The following DUSP14 variants were observed in gnomAD, a reference collection of about 807,000 sequenced individuals.
DUSP14 encodes dual specificity phosphatase 14.
A neutral mutation model predicts 13.2 loss-of-function variants in DUSP14; 5 were observed. That is an observed-to-expected ratio of 0.38 (90% CI 0.20 to 0.80). The LOEUF is 0.80. Ranked by LOEUF, DUSP14 falls within the 30% of genes least tolerant of loss-of-function variation. DUSP14 has a pLI of 0.44. For missense variants in DUSP14, 185 were observed against 264.0 expected (o/e 0.70, Z 2.07); for synonymous variants, 91 against 103.4 (o/e 0.88, Z 0.73).
chr17:37,506,852 T>C (rs925736884), intron 1 of DUSP14, among the ~76,000 whole-genome samples: 2 of 152,166 alleles, frequency 1.3e-5, no homozygotes, highest in Non-Finnish European at 2.9e-5. Context: ...GTTCTGGCAC[T>C]AGGGGAAACT....
intron 1 of DUSP14, among the ~76,000 whole-genome samples, chr17:37,498,744 A>G (rs899642686): frequency 2.6e-5 from 4 of 151,594 alleles, no homozygotes; most frequent in African/African-American, 9.7e-5. Flanking sequence ...TAGAAAGTAC[A>G]GGAGATATTT....
At chr17:37,489,553 G>A (rs549219285), upstream of DUSP14, among the ~76,000 whole-genome samples, 164 of 152,264 alleles carry the variant, frequency 1.1e-3, 1 homozygote, top group Middle Eastern at 3.4e-3. Flanking sequence ...CCCCAGCAGA[G>A]CGCCCCCGCA....
intron 2 of DUSP14, among the ~76,000 whole-genome samples, chr17:37,511,715 G>C (rs1049551235): frequency 1.3e-5 from 2 of 149,574 alleles, no homozygotes; most frequent in Non-Finnish European, 3.0e-5. Context: ...AGTCTCCTGA[G>C]TAGCTGGGAC....
rs1475890947 is a variant in DUSP14, at chr17:37,512,406, G to A, written c.134G>A (p.Arg45Gln). 8 of 1,614,056 alleles carry A rather than the reference G, an allele frequency of 5.0e-6. No homozygotes were observed. Among genetic ancestry groups the A allele is most frequent in the East Asian group, 2.2e-5 (1 of 44,858 alleles). The change falls in exon 3 of 3, where the codon CGG becomes CAG. Residue 45 changes from arginine (R) to glutamine (Q), a missense_variant. Physicochemically the swap from Arg to Gln is conservative, Grantham distance 43. Transcript: ENST00000617516. This position sits in a 1 kb window ranked among gnomAD's most constrained non-coding sequence, Gnocchi z 4.8. Reference protein sequence around the residue: ...FLGRGSVASNRHLLQARGITC... With the variant: ...FLGRGSVASNQHLLQARGITC... ...GGCAGAGGCAGTGTGGCCTCCAATC[G>A]GCACCTCCTCCAGGCTCGTGGCATC...
intron 1 of DUSP14, among the ~76,000 whole-genome samples, chr17:37,494,987 T>C (rs1354235262): frequency 6.6e-6 from 1 of 152,236 alleles, no homozygotes; most frequent in Non-Finnish European, 1.5e-5. Context: ...AAAATAATGA[T>C]AATTTTAGAA....
Position 37,512,011 on chromosome 17 carries a change from G to A in DUSP14, c.-92-170G>A, listed in dbSNP as rs763861675. Among the ~76,000 whole-genome samples, 11 of 135,204 alleles carry A rather than the reference G, an allele frequency of 8.1e-5. No homozygotes were observed. The highest frequency in any genetic ancestry group is 1.2e-4 in the Non-Finnish European group (8 of 65,716). 88.7% of individuals were successfully genotyped at this position (135,204 alleles called of 152,430 possible). On this transcript the variant is annotated intron_variant, in intron 2 of 2. Coordinates refer to ENST00000617516, the MANE Select transcript of DUSP14 (RefSeq NM_007026.4). This position sits in a 1 kb window ranked among gnomAD's most constrained non-coding sequence, Gnocchi z 4.8. Reference sequence around the variant, plus strand: ...TTGATTTCACATGTTTGTGTCTTAGGTGACTTTTCCCAACTGTTAATTGAT... The same window carrying A: ...TTGATTTCACATGTTTGTGTCTTAGATGACTTTTCCCAACTGTTAATTGAT...
intron 2 of DUSP14, among the ~76,000 whole-genome samples, chr17:37,511,492 GC>G (rs1288246023): frequency 6.6e-6 from 1 of 151,608 alleles, no homozygotes; most frequent in Non-Finnish European, 1.5e-5. Flanking sequence ...TGTTGGCCAG[GC>G]TGGTCTCGAA....
intron 1 of DUSP14, among the ~76,000 whole-genome samples, chr17:37,490,360 G>A (rs1365590683): frequency 6.6e-6 from 1 of 152,200 alleles, no homozygotes; most frequent in Non-Finnish European, 1.5e-5. Flanking sequence ...GCGCGCCGCC[G>A]CTTTTTGCAT....
chr17:37,496,707 C>G (rs1490572130), intron 1 of DUSP14, among the ~76,000 whole-genome samples: 2 of 152,034 alleles, frequency 1.3e-5, no homozygotes, highest in East Asian at 1.9e-4. Context: ...GAGCCAAGAT[C>G]ATACCACTGC....
chr17:37,489,734 A>T (rs1185052551), upstream of DUSP14: 1 of 150,534 alleles, frequency 6.6e-6, no homozygotes, highest in Admixed American at 6.6e-5. Context: ...GCAGAAGCCC[A>T]GCGCGCACGC....
intron 1 of DUSP14, among the ~76,000 whole-genome samples, chr17:37,505,231 A>G (rs2054130359): frequency 6.6e-6 from 1 of 152,116 alleles, no homozygotes. Context: ...TTTCATTACT[A>G]AATCAGAAAT....
In DUSP14 at chr17:37,512,545, C is replaced by T; in HGVS notation, c.273C>T (p.Asp91=). The change falls in exon 3 of 3, where the codon GAC becomes GAT. Residue 91 remains aspartate, a synonymous_variant. Coordinates refer to ENST00000617516, the MANE Select transcript of DUSP14 (RefSeq NM_007026.4). This position sits in a 1 kb window ranked among gnomAD's most constrained non-coding sequence, Gnocchi z 4.8. ...MPHAPIGLYF[D]TVADKIHSVS... Reference sequence around the variant, plus strand: ...ATGCCCCCATTGGACTGTACTTTGACACCGTGGCTGACAAGATCCACAGTG... The same window carrying T: ...ATGCCCCCATTGGACTGTACTTTGATACCGTGGCTGACAAGATCCACAGTG... The T allele has an allele frequency of 6.2e-7, 1 of 1,614,204 alleles. No homozygotes were observed. Among genetic ancestry groups the T allele is most frequent in the South Asian group, 1.1e-5 (1 of 91,086 alleles).
Position 37,508,734 on chromosome 17 carries a change from A to ATAT in DUSP14, c.-180-1943_-180-1942insTAT, listed in dbSNP as rs1568204174. Among the ~76,000 whole-genome samples the ATAT allele has an allele frequency of 5.7e-3, 816 of 144,152 alleles. 6 individuals carry two copies. The highest frequency in any genetic ancestry group is 0.02 in the African/African-American group (784 of 39,400). The allele number at this position is 144,152 out of a possible 152,430, so 94.6% of individuals were successfully genotyped here. On this transcript the variant is annotated intron_variant, in intron 1 of 2. Transcript: ENST00000617516. ...GGGTGACAGAGCCAGACTCCATCTC[A>ATAT]ATATATATATATATATATGTATGTA...
At chr17:37,496,466 G>A (rs542930791) in intron 1 of DUSP14, among the ~76,000 whole-genome samples, 3 of 151,860 alleles carry the variant, frequency 2.0e-5, no homozygotes, top group South Asian at 2.1e-4. Flanking sequence ...AAAATTAGCC[G>A]GGTGTTAGGC....
intron 1 of DUSP14, among the ~76,000 whole-genome samples, chr17:37,494,677 C>T (rs940276858): frequency 5.9e-5 from 9 of 152,092 alleles, no homozygotes; most frequent in Non-Finnish European, 1.3e-4. Flanking sequence ...TGAGGGCAGC[C>T]GTTAAATTCA....
At chr17:37,509,265 A>AGTGAG (rs1229299739) in intron 1 of DUSP14, among the ~76,000 whole-genome samples, 1 of 56,900 alleles carries the variant, frequency 1.8e-5, no homozygotes, top group East Asian at 4.3e-4. Context: ...ATATATATAT[A>AGTGAG]TATATATATA....
intron 1 of DUSP14, among the ~76,000 whole-genome samples, chr17:37,507,509 A>G (rs1454291526): frequency 2.0e-5 from 3 of 152,122 alleles, no homozygotes; most frequent in Admixed American, 6.5e-5. Flanking sequence ...CTGGAGTGCA[A>G]TGGCGCGATC....
At position 37,512,072 on chromosome 17, in the gene DUSP14, C is replaced by T. The variant is rs2054192670; in HGVS notation, c.-92-109C>T. 3.7e-6 allele frequency: 2 copies of T among 545,120 alleles called. No homozygotes were observed. 33.8% of individuals were successfully genotyped at this position (545,120 alleles called of 1,614,324 possible). ...TTGTCTGTATCCTTGAAAGATTGTA[C>T]TGTATTATTTAAAAAAAAACCCTCT... On this transcript the variant is annotated intron_variant, in intron 2 of 2. Coordinates refer to ENST00000617516, the MANE Select transcript of DUSP14 (RefSeq NM_007026.4). This position sits in a 1 kb window ranked among gnomAD's most constrained non-coding sequence, Gnocchi z 4.8.
At chr17:37,509,278 TATATATATATATATATATA>T (rs1366192111) in intron 1 of DUSP14, among the ~76,000 whole-genome samples, 11,503 of 41,882 alleles carry the variant, frequency 0.27, 1,144 homozygotes, top group Admixed American at 0.43. Context: ...TATATATATA[TATATATATATATATATATA>T]GTGTGTGTGT....
Sources: allele counts gnomAD v4.1 joint callset (sites outside exome capture counted in the v4.1 genomes callset), GRCh38; gene constraint gnomAD v4.1.1; non-coding constraint Gnocchi (gnomAD v3.1); transcripts MANE v1.5; gene names NCBI Gene and HGNC (gene_info 2026-07-23, HGNC 2026-07-21).